The following COG6 variants were observed in gnomAD, a reference collection of about 807,000 sequenced individuals.
COG6 encodes the protein component of oligomeric golgi complex 6.
In COG6, 74 loss-of-function variants were observed where a neutral mutation model predicts 88.8. That is an observed-to-expected ratio of 0.83 (90% CI 0.69 to 1.01). The LOEUF is 1.01. Among genes scored for constraint, COG6 ranks in the 50% least tolerant of loss-of-function variants. The pLI is 0.00. For missense variants in COG6, 800 were observed against 797.9 expected, an observed-to-expected ratio of 1.00 and a Z score of -0.03; for synonymous variants, 286 against 278.7, an observed-to-expected ratio of 1.03 and a Z score of -0.26.
At position 39,720,830 on chromosome 13, in the gene COG6, A is replaced by C. The variant is rs78658347; in HGVS notation, c.1584+1003A>C. 6.5e-3 allele frequency among the ~76,000 whole-genome samples: 986 copies of C among 152,158 alleles called. 9 individuals carry two copies. Among genetic ancestry groups the C allele is most frequent in the African/African-American group, 0.022 (915 of 41,526 alleles). On this transcript the variant is annotated intron_variant, in intron 15 of 18. Transcript: ENST00000455146. ...ATTAGATATATTCTAATACATTGTG[A>C]AATGAAATGAACAATGAAAATTTAG...
chr13:39,666,244 T>C (rs4312180), intron 4 of COG6, among the ~76,000 whole-genome samples: 65,251 of 151,724 alleles, frequency 0.43, 14,347 homozygotes, highest in Admixed American at 0.57. Context: ...AAATAGAAAA[T>C]AGTTTGGGTA....
At chr13:39,662,862 A>C (rs1874996141) in intron 3 of COG6, among the ~76,000 whole-genome samples, 1 of 152,056 alleles carries the variant, frequency 6.6e-6, no homozygotes, top group African/African-American at 2.4e-5. Context: ...TATCAACTCT[A>C]ATGTTTTTAA....
At chr13:39,773,581 A>AC (rs1351779267) in intron 18 of COG6, among the ~76,000 whole-genome samples, 3 of 152,240 alleles carry the variant, frequency 2.0e-5, no homozygotes, top group African/African-American at 7.2e-5. Context: ...GAGCTGGGCC[A>AC]CTATCACTTA....
chr13:39,726,818 G>A (rs1323386064), intron 17 of COG6, among the ~76,000 whole-genome samples: 1 of 151,882 alleles, frequency 6.6e-6, no homozygotes. Context: ...CTTACTTAAT[G>A]TATATTCATC....
In COG6 at chr13:39,740,235, G is replaced by A. The variant is rs1879976047; in HGVS notation, c.1827-10711G>A. On this transcript the variant is annotated intron_variant, in intron 18 of 18. Coordinates refer to ENST00000455146, the MANE Select transcript of COG6 (RefSeq NM_020751.3). ...TTAAATATGTATCTAAGAAGTATAT[G>A]AGAGAGGACTCATACTTCTGAACAT... Among the ~76,000 whole-genome samples, 3 of 152,108 alleles carry A rather than the reference G, an allele frequency of 2.0e-5. No homozygotes were observed. The South Asian group carries it at 6.2e-4, about 32-fold the overall frequency.
At chr13:39,673,572 C>CT (rs1176234104) in intron 4 of COG6, among the ~76,000 whole-genome samples, 2 of 151,934 alleles carry the variant, frequency 1.3e-5, no homozygotes, top group African/African-American at 4.8e-5. Context: ...TAAGCAGATT[C>CT]TTTAAGATCC....
At position 39,655,991 on chromosome 13, in the gene COG6, A is replaced by AC; in HGVS notation, c.153+114dup. On this transcript the variant is annotated intron_variant, in intron 1 of 18. Coordinates refer to ENST00000455146, the MANE Select transcript of COG6 (RefSeq NM_020751.3). ...TCTCCCTCGTCCCGGCAGCAGAGGG[A>AC]CCGCGAGTGACCCCAGACCTGCGGG... is the stretch of plus-strand genomic sequence containing the variant. 2.3e-6 allele frequency: 3 copies of AC among 1,307,132 alleles called. No individual in the cohort carries two copies. The South Asian group carries it at 3.8e-5, about 17-fold the overall frequency. 81.0% of individuals were successfully genotyped at this position (1,307,132 alleles called of 1,614,324 possible). A position where few individuals can be genotyped will look rare whatever the true frequency, so the allele number is the denominator to read the frequency against.
chr13:39,685,541 G>T (rs375340090), intron 8 of COG6, among the ~76,000 whole-genome samples: 1 of 152,058 alleles, frequency 6.6e-6, no homozygotes, highest in East Asian at 1.9e-4. Flanking sequence ...TACAGCTGTC[G>T]TCCCAGTGGA....
At chr13:39,781,535 A>G (rs1039627420) in intron 18 of COG6, among the ~76,000 whole-genome samples, 1 of 149,826 alleles carries the variant, frequency 6.7e-6, no homozygotes, top group Non-Finnish European at 1.5e-5. Context: ...TAACCTTCTT[A>G]TTTTGACTCA....
chr13:39,743,947 A>G (rs1199524171), intron 18 of COG6, among the ~76,000 whole-genome samples: 1 of 152,300 alleles, frequency 6.6e-6, no homozygotes, highest in East Asian at 1.9e-4. Flanking sequence ...GGCTGGTTTA[A>G]CCTATGCAAA....
intron 8 of COG6, among the ~76,000 whole-genome samples, chr13:39,685,384 A>G (rs1355796785): frequency 6.6e-6 from 1 of 152,110 alleles, no homozygotes; most frequent in Non-Finnish European, 1.5e-5. Flanking sequence ...GCTTTAAATT[A>G]TATTTGTTCT....
At chr13:39,724,754 G>A (rs1879043552) in intron 17 of COG6, among the ~76,000 whole-genome samples, 193 bp downstream of exon 17, 1 of 151,742 alleles carries the variant, frequency 6.6e-6, no homozygotes, top group Non-Finnish European at 1.5e-5. Context: ...TACATTCATA[G>A]TAGTGTTCCA....
chr13:39,695,599 T>C (rs1877230976), intron 12 of COG6, among the ~76,000 whole-genome samples: 1 of 151,794 alleles, frequency 6.6e-6, no homozygotes, highest in African/African-American at 2.4e-5. Flanking sequence ...GGAGCACTAG[T>C]TTACAGAGTA....
chr13:39,755,352 T>C (rs551353355), downstream of COG6, among the ~76,000 whole-genome samples: 1 of 152,262 alleles, frequency 6.6e-6, no homozygotes, highest in African/African-American at 2.4e-5. Context: ...ATTATCCTTA[T>C]TTGATCTGTC....
rs1208109040 is a variant in COG6, at chr13:39,684,255, T to TA, written c.788+1991_788+1992insA. On this transcript the variant is annotated intron_variant, in intron 8 of 18. Transcript: ENST00000455146. The stretch of plus-strand genomic sequence containing the variant: ...GGCAATTTGGAAGATTTTTTTTTTT[T>TA]TTTTTTTTTTTTTGAGACGGAGTCT... Among the ~76,000 whole-genome samples the TA allele has an allele frequency of 1.6e-3, 171 of 110,224 alleles. 7 individuals carry two copies. The highest frequency in any genetic ancestry group is 8.7e-3 in the Middle Eastern group (2 of 230). 72.3% of individuals were successfully genotyped at this position (110,224 alleles called of 152,430 possible). A position where few individuals can be genotyped will look rare whatever the true frequency, so the allele number is the denominator to read the frequency against.
At chr13:39,740,774 T>C (rs566783040) in intron 18 of COG6, among the ~76,000 whole-genome samples, 3 of 152,192 alleles carry the variant, frequency 2.0e-5, no homozygotes, top group South Asian at 2.1e-4. Flanking sequence ...ACATTTCTTA[T>C]ATTTATATGG....
At chr13:39,749,566 A>G (rs937138633) in intron 18 of COG6, among the ~76,000 whole-genome samples, 4 of 152,238 alleles carry the variant, frequency 2.6e-5, no homozygotes, top group Non-Finnish European at 4.4e-5. Context: ...TGAAAGGAAC[A>G]GAAAAAGTGC....
At chr13:39,664,508 C>CT (rs1875119317) in intron 3 of COG6, among the ~76,000 whole-genome samples, 1 of 152,124 alleles carries the variant, frequency 6.6e-6, no homozygotes, top group Non-Finnish European at 1.5e-5. Context: ...TTTTAATTGA[C>CT]TTTCCACTTT....
chr13:39,788,983 A>C (rs903236760), exon 19 of COG6: 1 of 152,226 alleles, frequency 6.6e-6, no homozygotes, highest in Admixed American at 6.5e-5. Flanking sequence ...TACACTGTAA[A>C]AATCTCAAAA....
Sources: allele counts gnomAD v4.1 joint callset (sites outside exome capture counted in the v4.1 genomes callset), GRCh38; gene constraint gnomAD v4.1.1; transcripts MANE v1.5; gene names NCBI Gene and HGNC (gene_info 2026-07-23, HGNC 2026-07-21).